The following PLCXD3 variants were observed in gnomAD, a reference collection of about 807,000 sequenced individuals.
The protein encoded by PLCXD3 is phosphatidylinositol specific phospholipase C X domain containing 3.
Under a neutral mutation model 25.5 loss-of-function variants are expected in PLCXD3, and 19 were observed. That is an observed-to-expected ratio of 0.75 (90% CI 0.52 to 1.09). The LOEUF is 1.09. PLCXD3 is among the 50% of genes least tolerant of loss of function. PLCXD3 has a pLI of 0.00. For synonymous variants in PLCXD3, 174 were observed against 137.6 expected (o/e 1.26, Z -1.85); for missense variants, 411 against 388.1 (o/e 1.06, Z -0.50).
rs1444423630 is a variant in PLCXD3 at position 41,347,663 on chromosome 5, G to A, written c.813-33893C>T. ...TTAAAGGAAGACATGGAAGATGAAT[G>A]TGAACTCACCCTGGTCTTCAGTTTT... On this transcript the variant is annotated intron_variant, in intron 2 of 2. Transcript: ENST00000377801. 3.3e-5 allele frequency among the ~76,000 whole-genome samples: 5 copies of A among 152,184 alleles called. No individual in the cohort carries two copies. The East Asian group carries it at 9.6e-4, about 29-fold the overall frequency.
At chr5:41,416,195 C>T (rs1164888792) in intron 1 of PLCXD3, among the ~76,000 whole-genome samples, 2 of 152,132 alleles carry the variant, frequency 1.3e-5, no homozygotes, top group East Asian at 1.9e-4. Context: ...ATTGATAAAT[C>T]CTATAATAGT....
chr5:41,331,956 A>C (rs981034300), intron 2 of PLCXD3, among the ~76,000 whole-genome samples: 17 of 152,366 alleles, frequency 1.1e-4, no homozygotes, highest in African/African-American at 4.1e-4. Context: ...GATGGATTAA[A>C]GACTTAAACG....
At chr5:41,411,202 T>C (rs927102768) in intron 1 of PLCXD3, among the ~76,000 whole-genome samples, 1 of 152,244 alleles carries the variant, frequency 6.6e-6, no homozygotes, top group Non-Finnish European at 1.5e-5. Flanking sequence ...GAAGCCTATT[T>C]ACCTTTGTTC....
At chr5:41,485,050 G>A (rs893185595) in intron 1 of PLCXD3, among the ~76,000 whole-genome samples, 1 of 152,186 alleles carries the variant, frequency 6.6e-6, no homozygotes, top group African/African-American at 2.4e-5. Context: ...GAATTTGCTA[G>A]ATTAACTCAT....
rs372000455 is a variant in PLCXD3 at position 41,385,356 on chromosome 5, G to A, written c.104-2822C>T. The stretch of plus-strand genomic sequence containing the variant: ...ACCTGGTACTTAATGTTACTCCTCT[G>A]ATGTTGAGTTTAGTTTCTCATCTTT... On this transcript the variant is annotated intron_variant, in intron 1 of 2. Transcript: ENST00000377801. Among the ~76,000 whole-genome samples, 4 of 152,110 alleles carry A rather than the reference G, an allele frequency of 2.6e-5. No individual in the cohort carries two copies. The South Asian group carries it at 8.3e-4, about 32-fold the overall frequency.
intron 2 of PLCXD3, among the ~76,000 whole-genome samples, chr5:41,351,270 C>G (rs1744452294): frequency 6.6e-6 from 1 of 152,148 alleles, no homozygotes; most frequent in Admixed American, 6.5e-5. Context: ...TTCTCACTCC[C>G]CATTCCCCAC....
At chr5:41,426,797 T>C (rs1746965348) in intron 1 of PLCXD3, among the ~76,000 whole-genome samples, 1 of 152,042 alleles carries the variant, frequency 6.6e-6, no homozygotes, top group African/African-American at 2.4e-5. Context: ...CTTTTTAAGG[T>C]AGTTTATTTG....
At chr5:41,454,126 A>G (rs756872210) in intron 1 of PLCXD3, among the ~76,000 whole-genome samples, 1 of 151,956 alleles carries the variant, frequency 6.6e-6, no homozygotes, top group Non-Finnish European at 1.5e-5. Flanking sequence ...GTCCTCCCAA[A>G]TATTAATGTC....
chr5:41,400,453 A>T (rs1052967503), intron 1 of PLCXD3, among the ~76,000 whole-genome samples: 4 of 152,132 alleles, frequency 2.6e-5, no homozygotes, highest in African/African-American at 9.6e-5. Flanking sequence ...CCATCAACAG[A>T]TGAATGGATA....
intron 1 of PLCXD3, among the ~76,000 whole-genome samples, chr5:41,407,747 T>C (rs1032488818): frequency 3.3e-5 from 5 of 152,212 alleles, no homozygotes; most frequent in African/African-American, 1.2e-4. Context: ...CATTTTTTAA[T>C]ATTAAACCCA....
chr5:41,455,218 C>T (rs1428742534), intron 1 of PLCXD3, among the ~76,000 whole-genome samples: 1 of 151,912 alleles, frequency 6.6e-6, no homozygotes, highest in Non-Finnish European at 1.5e-5. Flanking sequence ...CTTCAGGCTT[C>T]CGGAAATATG....
intron 2 of PLCXD3, among the ~76,000 whole-genome samples, chr5:41,351,556 T>C (rs942944989): frequency 6.6e-6 from 1 of 152,180 alleles, no homozygotes; most frequent in African/African-American, 2.4e-5. Flanking sequence ...ACCGCTGAAC[T>C]GAAAGCCCAA....
intron 2 of PLCXD3, among the ~76,000 whole-genome samples, chr5:41,351,144 C>G (rs938215455): frequency 5.9e-5 from 9 of 151,826 alleles, no homozygotes; most frequent in African/African-American, 2.2e-4. Flanking sequence ...TTTTTTGAGG[C>G]AAACTTGTTC....
chr5:41,371,215 T>C (rs1324703007), intron 2 of PLCXD3, among the ~76,000 whole-genome samples: 1 of 152,194 alleles, frequency 6.6e-6, no homozygotes, highest in Non-Finnish European at 1.5e-5. Context: ...GACTAATTTA[T>C]ACTAGAGGCT....
intron 1 of PLCXD3, among the ~76,000 whole-genome samples, chr5:41,505,145 C>G (rs572981001): frequency 6.6e-6 from 1 of 152,072 alleles, no homozygotes; most frequent in African/African-American, 2.4e-5. Context: ...AATTTTTACA[C>G]GAGTAAAGCT....
chr5:41,344,209 G>C (rs994311306), intron 2 of PLCXD3, among the ~76,000 whole-genome samples: 5 of 152,092 alleles, frequency 3.3e-5, no homozygotes, highest in Non-Finnish European at 5.9e-5. Context: ...CAGAATAGAA[G>C]AAGACAAAAG....
At chr5:41,324,092 A>C (rs1287307625) in intron 2 of PLCXD3, among the ~76,000 whole-genome samples, 2 of 152,160 alleles carry the variant, frequency 1.3e-5, no homozygotes, top group Admixed American at 1.3e-4. Context: ...GGAGGAAGAA[A>C]AGAGAAAAAA....
Position 41,429,850 on chromosome 5 carries a change from G to A in PLCXD3, c.104-47316C>T, listed in dbSNP as rs116236573. On this transcript the variant is annotated intron_variant, in intron 1 of 2. Coordinates refer to ENST00000377801, the MANE Select transcript of PLCXD3 (RefSeq NM_001005473.3). ...ATAGGTCATTTGAAGAGTCAGATAA[G>A]GTATAGTTTTAACTTATGTTTAGTG... 5.2e-3 allele frequency among the ~76,000 whole-genome samples: 795 copies of A among 152,138 alleles called. 7 individuals carry two copies. Among genetic ancestry groups the A allele is most frequent in the African/African-American group, 0.018 (749 of 41,520 alleles).
At chr5:41,455,951 G>T (rs927793065) in intron 1 of PLCXD3, among the ~76,000 whole-genome samples, 2 of 151,906 alleles carry the variant, frequency 1.3e-5, no homozygotes, top group African/African-American at 4.8e-5. Context: ...ATGTAAGATT[G>T]TCGCAAAGAA....
Sources: gnomAD v4.1 joint callset for allele counts (sites outside exome capture counted in the v4.1 genomes callset) on GRCh38, gnomAD v4.1.1 for gene constraint, MANE v1.5 for transcripts, NCBI Gene and HGNC (gene_info 2026-07-23, HGNC 2026-07-21) for gene names.